The following CLCF1 variants were observed in gnomAD, a reference collection of about 807,000 sequenced individuals.
CLCF1 encodes the protein cardiotrophin like cytokine factor 1, also known as cardiotrophin-like cytokine factor 1.
CLCF1 carries 10 observed loss-of-function variants against 21.2 expected under a neutral mutation model. The observed-to-expected ratio is 0.47, with a 90% confidence interval of 0.29 to 0.80. The LOEUF is 0.80. CLCF1 is among the 30% of genes least tolerant of loss of function. CLCF1 has a pLI of 0.09. For missense variants in CLCF1, 240 were observed against 293.4 expected (o/e 0.82, Z 1.33); for synonymous variants, 115 against 120.5 (o/e 0.95, Z 0.30).
In CLCF1 at chr11:67,365,842, CT is replaced by C. The variant is rs1286939611; in HGVS notation, c.184-213del. Among the ~76,000 whole-genome samples, 6 of 152,156 alleles carry C rather than the reference CT, an allele frequency of 3.9e-5. No individual in the cohort carries two copies. On this transcript the variant is annotated intron_variant, in intron 2 of 2. Coordinates refer to ENST00000312438, the MANE Select transcript of CLCF1 (RefSeq NM_013246.3). This position sits in a 1 kb window ranked among gnomAD's most constrained non-coding sequence, Gnocchi z 5.0. ...CAGTTGAAGCAGTGGCGGTGGTGAG[CT>C]CTCCAATGGAGAGGCGTAGAAAAAG...
rs1209988862 is a variant in CLCF1 at position 67,372,616 on chromosome 11, C to CGGCGGG, written c.16+902_16+907dup. ...CTCCCGCCCGGTCGCTCCTTCCCCG[C>CGGCGGG]GGCGGGGGCGGGGGCGGGGGCGGGG... On this transcript the variant is annotated intron_variant, in intron 1 of 2. Coordinates refer to ENST00000312438, the MANE Select transcript of CLCF1 (RefSeq NM_013246.3). The surrounding 1 kb of genome is among the most constrained non-coding windows in gnomAD (Gnocchi z 5.9). Among the ~76,000 whole-genome samples the CGGCGGG allele has an allele frequency of 0.14, 20,713 of 145,848 alleles. 2,181 individuals carry two copies. The highest frequency in any genetic ancestry group is 0.28 in the African/African-American group (10,959 of 39,438).
At chr11:67,370,999 C>G (rs533075298) in intron 1 of CLCF1, 2 of 985,268 alleles carry the variant, frequency 2.0e-6, no homozygotes, top group South Asian at 4.7e-5. Context: ...CCAGCGCTGG[C>G]TGCGGTTGGA....
At chr11:67,368,820 G>A in intron 1 of CLCF1, 4 of 984,610 alleles carry the variant, frequency 4.1e-6, no homozygotes, top group Non-Finnish European at 4.8e-6. Context: ...GGCGCTGCTT[G>A]TCATGTTATG....
At chr11:67,374,097 C>G, upstream of CLCF1, 3 of 986,114 alleles carry the variant, frequency 3.0e-6, no homozygotes, top group Non-Finnish European at 3.6e-6. Context: ...CTCCTCATCT[C>G]TAACCTTCCC....
chr11:67,367,513 A>G lies in CLCF1; in HGVS notation c.130T>C (p.Tyr44His). The G allele has an allele frequency of 6.2e-7, 1 of 1,614,160 alleles. No homozygotes were observed. Among genetic ancestry groups the G allele is most frequent in the Non-Finnish European group, 8.5e-7 (1 of 1,180,014 alleles). ...PGPGPSIQKT[Y>H]DLTRYLEHQL... The stretch of plus-strand genomic sequence containing the variant: ...TGCTCCAGGTAGCGGGTGAGGTCAT[A>G]GGTTTTCTGGATGGAGGGGCCAGGC... The change falls in exon 2 of 3, where the codon TAT becomes CAT. Residue 44 changes from tyrosine to histidine, a missense_variant. Transcript: ENST00000312438.
chr11:67,365,661 G>A lies in CLCF1; in HGVS notation c.184-31C>T. 6.3e-7 allele frequency: 1 copy of A among 1,584,232 alleles called. No homozygotes were observed. Among genetic ancestry groups the A allele is most frequent in the African/African-American group, 1.3e-5 (1 of 74,326 alleles). The stretch of plus-strand genomic sequence containing the variant: ...AAAAGGAGAGGGTGATGGGGAAGGA[G>A]GAGGGCAGAGCCGCTGGCTCACCAC... On this transcript the variant is annotated intron_variant, in intron 2 of 2. Coordinates refer to ENST00000312438, the MANE Select transcript of CLCF1 (RefSeq NM_013246.3). The surrounding 1 kb of genome is among the most constrained non-coding windows in gnomAD (Gnocchi z 5.0).
At position 67,365,672 on chromosome 11, in the gene CLCF1, C is replaced by T. The variant is rs1862080257; in HGVS notation, c.184-42G>A. On this transcript the variant is annotated intron_variant, in intron 2 of 2. Transcript: ENST00000312438. This position sits in a 1 kb window ranked among gnomAD's most constrained non-coding sequence, Gnocchi z 5.0. ...GTGATGGGGAAGGAGGAGGGCAGAG[C>T]CGCTGGCTCACCACCAAGGAGATAC... is the stretch of plus-strand genomic sequence containing the variant. 1 of 1,565,928 alleles carries T rather than the reference C, an allele frequency of 6.4e-7. No homozygotes were observed. Among genetic ancestry groups the T allele is most frequent in the Non-Finnish European group, 8.7e-7 (1 of 1,153,334 alleles).
chr11:67,364,927 G>A lies in CLCF1; in HGVS notation c.*209C>T. On this transcript the variant is annotated 3_prime_UTR_variant, in exon 3 of 3. Coordinates refer to ENST00000312438, the MANE Select transcript of CLCF1 (RefSeq NM_013246.3). ...CTTCCTGTAGAAACAGGACAGGACA[G>A]GGCCTACTGTACCTCCTCCCCAGCT... 4.2e-6 allele frequency: 3 copies of A among 713,012 alleles called. No individual in the cohort carries two copies. In the South Asian group the frequency reaches 5.6e-5, roughly 13 times the overall value. The allele number at this position is 713,012 out of a possible 1,614,324, so 44.2% of individuals were successfully genotyped here.
At chr11:67,373,713 CT>C (rs35544864), upstream of CLCF1, 81,492 of 922,566 alleles carry the variant, frequency 0.088, no homozygotes, top group East Asian at 0.13. Context: ...ATTCTGCAAA[CT>C]TTTTTTTTTT....
chr11:67,370,540 G>GC (rs1244810098), intron 1 of CLCF1: 1 of 976,294 alleles, frequency 1.0e-6, no homozygotes, highest in East Asian at 1.1e-4. Flanking sequence ...TCCTGCAACA[G>GC]CCCCCCACCC....
chr11:67,369,245 G>T (rs762020252), intron 1 of CLCF1: 3 of 985,416 alleles, frequency 3.0e-6, no homozygotes, highest in Non-Finnish European at 3.6e-6. Flanking sequence ...GACTCTTTCA[G>T]ATGTGTGACT....
rs1590911645 is a variant in CLCF1, at chr11:67,364,636, T to G, written c.*500A>C. On this transcript the variant is annotated 3_prime_UTR_variant, in exon 3 of 3. Transcript: ENST00000312438. ...CCTGCACTGTTAATCTCATCTCTTT[T>G]TGTGTAGAATTGCCACCATGTTTGT... is the stretch of plus-strand genomic sequence containing the variant. 1 of 178,772 alleles carries G rather than the reference T, an allele frequency of 5.6e-6. No homozygotes were observed. The highest frequency in any genetic ancestry group is 1.5e-4 in the East Asian group (1 of 6,530). The allele number at this position is 178,772 out of a possible 1,614,324, so 11.1% of individuals were successfully genotyped here.
intron 1 of CLCF1, chr11:67,368,912 CTTTTTTT>C (rs10666079): frequency 4.8e-5 from 33 of 685,204 alleles, no homozygotes; most frequent in African/African-American, 1.3e-4. Flanking sequence ...TTTTTTTTTC[CTTTTTTT>C]TTTTTTTTTT....
chr11:67,369,627 C>T, intron 1 of CLCF1: 1 of 985,434 alleles, frequency 1.0e-6, no homozygotes, highest in Non-Finnish European at 1.2e-6. Flanking sequence ...GGGCAGCGGC[C>T]CTCCCAGCCT....
Position 67,367,426 on chromosome 11 carries a change from C to T in CLCF1, c.183+34G>A. On this transcript the variant is annotated intron_variant, in intron 2 of 2. Transcript: ENST00000312438. ...TGTCTTTCCCCAACTCCTCACTCCT[C>T]CCCAACTCCCAGATTCCTACGCTGG... 3 of 1,614,002 alleles carry T rather than the reference C, an allele frequency of 1.9e-6. No homozygotes were observed. The South Asian group carries it at 3.3e-5, about 18-fold the overall frequency.
chr11:67,367,150 C>T (rs906404418), intron 2 of CLCF1, among the ~76,000 whole-genome samples: 1 of 151,750 alleles, frequency 6.6e-6, no homozygotes, highest in African/African-American at 2.4e-5. Flanking sequence ...AGAGACACCA[C>T]AACACGGTGT....
In CLCF1 at chr11:67,364,992, C is replaced by A; in HGVS notation, c.*144G>T. 7.3e-7 allele frequency: 1 copy of A among 1,374,830 alleles called. No homozygotes were observed. Among genetic ancestry groups the A allele is most frequent in the Non-Finnish European group, 9.9e-7 (1 of 1,007,668 alleles). 85.2% of individuals were successfully genotyped at this position (1,374,830 alleles called of 1,614,324 possible). A position where few individuals can be genotyped will look rare whatever the true frequency, so the allele number is the denominator to read the frequency against. ...GAGGTGGGGAGGAGACAGGGCTGAT[C>A]GCATCACACGCCCAGCCGGTCCAGG... On this transcript the variant is annotated 3_prime_UTR_variant, in exon 3 of 3. Coordinates refer to ENST00000312438, the MANE Select transcript of CLCF1 (RefSeq NM_013246.3).
At chr11:67,373,897 AG>A, upstream of CLCF1, 1 of 616,444 alleles carries the variant, frequency 1.6e-6, no homozygotes, top group Middle Eastern at 7.9e-4. Context: ...CTCCTGGGGG[AG>A]GGGGCGGGGA....
At chr11:67,373,776 TGGGGGTAGGA>T (rs1486187956), upstream of CLCF1, 6 of 189,420 alleles carry the variant, frequency 3.2e-5, no homozygotes, top group Non-Finnish European at 3.8e-5. Context: ...CTCCCCGGGG[TGGGGGTAGGA>T]GGGGGGAGGA....
Sources: allele counts gnomAD v4.1 joint callset (sites outside exome capture counted in the v4.1 genomes callset), GRCh38; gene constraint gnomAD v4.1.1; non-coding constraint Gnocchi (gnomAD v3.1); transcripts MANE v1.5; gene names NCBI Gene and HGNC (gene_info 2026-07-23, HGNC 2026-07-21).